NAALADL2: variants seen among roughly 807,000 people sequenced by gnomAD.
NAALADL2 encodes N-acetylated alpha-linked acidic dipeptidase like 2, also known as inactive N-acetylated-alpha-linked acidic dipeptidase-like protein 2.
A neutral mutation model predicts 87.2 loss-of-function variants in NAALADL2; 76 were observed. That is an observed-to-expected ratio of 0.87 (90% CI 0.72 to 1.05). The LOEUF (loss-of-function observed/expected upper bound fraction) is 1.05. Among genes scored for constraint, NAALADL2 ranks in the 50% least tolerant of loss-of-function variants. The pLI is 0.00. For missense variants in NAALADL2, 1,089 were observed against 945.8 expected (o/e 1.15, Z -1.99); for synonymous variants, 354 against 331.0 (o/e 1.07, Z -0.75).
intron 6 of NAALADL2, among the ~76,000 whole-genome samples, chr3:175,447,617 G>A (rs1720908287): frequency 6.6e-6 from 1 of 152,172 alleles, no homozygotes; most frequent in African/African-American, 2.4e-5. Flanking sequence ...ACAAAGAAAA[G>A]TAGCTTTATA....
chr3:175,272,180 T>C (rs746008263), intron 4 of NAALADL2, among the ~76,000 whole-genome samples: 24 of 152,206 alleles, frequency 1.6e-4, no homozygotes, highest in Admixed American at 4.6e-4. Context: ...ACTAATTCAA[T>C]TCATTCCAGT....
rs150258732 is a variant in NAALADL2, at chr3:174,845,584, T to C, written c.-9+107838T>C. Among the ~76,000 whole-genome samples the C allele has an allele frequency of 1.3e-3, 197 of 152,316 alleles. No homozygotes were observed. The East Asian group carries it at 0.034, about 27-fold the overall frequency. ...CTCCAGTGGAGCAAGGCCACCTCCA[T>C]GCAGGTTTTCAGCCCAGGGCTGGGT... On this transcript the variant is annotated intron_variant, in intron 3 of 3. Transcript: ENST00000434257.
At chr3:175,704,979 A>C (rs1582956045) in intron 11 of NAALADL2, among the ~76,000 whole-genome samples, 1 of 152,220 alleles carries the variant, frequency 6.6e-6, no homozygotes, top group East Asian at 1.9e-4. Context: ...CATCATTCAC[A>C]TGAGGAATAT....
At chr3:174,480,425 C>T (rs1717479541) in intron 1 of NAALADL2, among the ~76,000 whole-genome samples, 1 of 152,034 alleles carries the variant, frequency 6.6e-6, no homozygotes, top group African/African-American at 2.4e-5. Flanking sequence ...CCACCCTACC[C>T]ACCTGCTTCA....
chr3:175,384,695 T>G lies in NAALADL2; in HGVS notation c.1090+60370T>G, dbSNP rs182182475. Among the ~76,000 whole-genome samples the G allele has an allele frequency of 3.9e-3, 596 of 151,810 alleles. 3 individuals carry two copies. The highest frequency in any genetic ancestry group is 0.021 in the Middle Eastern group (6 of 292). On this transcript the variant is annotated intron_variant, in intron 5 of 13. Coordinates refer to ENST00000454872, the MANE Select transcript of NAALADL2 (RefSeq NM_207015.3). ...ATATTGCATTATTACCAATTTTATT[T>G]CCAGAAATTATTACCAATATATTTA...
chr3:174,544,822 G>GCCT (rs780742886), intron 1 of NAALADL2, among the ~76,000 whole-genome samples: 1 of 151,816 alleles, frequency 6.6e-6, no homozygotes, highest in Non-Finnish European at 1.5e-5. Context: ...GCCTGCCTCA[G>GCCT]CCTCCGAAAG....
At position 175,077,695 on chromosome 3, in the gene NAALADL2, A is replaced by G. The variant is rs1214774333; in HGVS notation, c.44-19095A>G. On this transcript the variant is annotated intron_variant, in intron 1 of 13. Coordinates refer to ENST00000454872, the MANE Select transcript of NAALADL2 (RefSeq NM_207015.3). The stretch of plus-strand genomic sequence containing the variant: ...TATAAATGGCATGTGAATATTTACT[A>G]ATAGAGGCAGCTGCTCTTTTAAAAA... 2.6e-5 allele frequency among the ~76,000 whole-genome samples: 4 copies of G among 152,144 alleles called. No homozygotes were observed. The East Asian group carries it at 5.8e-4, about 22-fold the overall frequency.
chr3:174,448,744 T>A (rs1490707864), intron 1 of NAALADL2, among the ~76,000 whole-genome samples: 3 of 151,930 alleles, frequency 2.0e-5, no homozygotes, highest in South Asian at 4.1e-4. Context: ...AAACAGGAAT[T>A]AGGGAGGAGT....
At chr3:175,787,177 C>T (rs1752117356) in intron 13 of NAALADL2, among the ~76,000 whole-genome samples, 2 of 152,138 alleles carry the variant, frequency 1.3e-5, no homozygotes, top group African/African-American at 2.4e-5. Flanking sequence ...TTGTCTGTGC[C>T]CTGCCCCCAG....
intron 3 of NAALADL2, among the ~76,000 whole-genome samples, chr3:174,802,256 T>C (rs1718933825): frequency 6.6e-6 from 1 of 152,164 alleles, no homozygotes; most frequent in Admixed American, 6.5e-5. Flanking sequence ...TCATGAAGTT[T>C]ACACTAAAGC....
At chr3:175,317,062 G>A (rs1759239277) in intron 4 of NAALADL2, among the ~76,000 whole-genome samples, 1 of 152,036 alleles carries the variant, frequency 6.6e-6, no homozygotes, top group South Asian at 2.1e-4. Flanking sequence ...AGGGCTGTGG[G>A]TGAGTAATCT....
intron 9 of NAALADL2, among the ~76,000 whole-genome samples, chr3:175,568,810 T>C (rs1427730792): frequency 1.3e-5 from 2 of 152,242 alleles, no homozygotes; most frequent in East Asian, 1.9e-4. Flanking sequence ...ATAGGCTTTT[T>C]AAAATTAACA....
chr3:175,773,507 A>G (rs746560597), intron 13 of NAALADL2: 1 of 152,056 alleles, frequency 6.6e-6, no homozygotes, highest in Non-Finnish European at 1.5e-5. Flanking sequence ...TCCAAGTGCT[A>G]TTTAAGGTTA....
At chr3:175,567,678 G>A (rs1717397975) in intron 9 of NAALADL2, among the ~76,000 whole-genome samples, 1 of 150,726 alleles carries the variant, frequency 6.6e-6, no homozygotes, top group Non-Finnish European at 1.5e-5. Flanking sequence ...TGGAGATTTT[G>A]AAAACCCCAT....
intron 5 of NAALADL2, among the ~76,000 whole-genome samples, chr3:175,398,218 A>C (rs1770063055): frequency 1.3e-5 from 2 of 152,074 alleles, no homozygotes; most frequent in Non-Finnish European, 2.9e-5. Flanking sequence ...TGAAAGAACA[A>C]GAGAAAGACA....
At chr3:175,499,488 T>A (rs936725387) in intron 9 of NAALADL2, among the ~76,000 whole-genome samples, 4 of 151,468 alleles carry the variant, frequency 2.6e-5, no homozygotes, top group African/African-American at 9.7e-5. Context: ...CCTAAGGAAT[T>A]TTTTTTTTCT....
At chr3:174,996,699 C>A (rs538394073) in intron 1 of NAALADL2, among the ~76,000 whole-genome samples, 2 of 152,032 alleles carry the variant, frequency 1.3e-5, no homozygotes, top group Non-Finnish European at 2.9e-5. Flanking sequence ...TGGTTAAGTT[C>A]TTTTGTGGTG....
At chr3:174,884,746 C>T (rs975006439) in intron 1 of NAALADL2, among the ~76,000 whole-genome samples, 1 of 152,128 alleles carries the variant, frequency 6.6e-6, no homozygotes, top group East Asian at 1.9e-4. Context: ...CACTCTCATG[C>T]CTGTTCTCCA....
chr3:175,323,110 T>C (rs1760143186), intron 4 of NAALADL2, among the ~76,000 whole-genome samples: 1 of 146,456 alleles, frequency 6.8e-6, no homozygotes, highest in Non-Finnish European at 1.5e-5. Context: ...AATGATAGAC[T>C]GGATTAAGAA....
Sources: allele counts gnomAD v4.1 joint callset (sites outside exome capture counted in the v4.1 genomes callset), GRCh38; gene constraint gnomAD v4.1.1; transcripts MANE v1.5; gene names NCBI Gene and HGNC (gene_info 2026-07-23, HGNC 2026-07-21).